RGS7: variants seen among roughly 807,000 people sequenced by gnomAD.
The protein encoded by RGS7 is regulator of G protein signaling 7.
RGS7 carries 27 observed loss-of-function variants against 81.1 expected under a neutral mutation model. The observed-to-expected ratio is 0.33, with a 90% CI of 0.25 to 0.46. The LOEUF is 0.46. RGS7 is among the 20% of genes least tolerant of loss of function. RGS7 has a pLI of 1.00. For synonymous variants in RGS7, 208 were observed against 207.7 expected (o/e 1.00, Z -0.01); for missense variants, 396 against 607.4 (o/e 0.65, Z 3.66).
At chr1:241,252,415 C>A (rs1021304309) in intron 2 of RGS7, among the ~76,000 whole-genome samples, 8 of 152,178 alleles carry the variant, frequency 5.3e-5, no homozygotes, top group African/African-American at 1.7e-4. Context: ...TACCATGAGC[C>A]AGAGCCCATA....
chr1:240,821,045 AAG>A (rs1691689765), intron 10 of RGS7, among the ~76,000 whole-genome samples: 1 of 152,164 alleles, frequency 6.6e-6, no homozygotes, highest in Non-Finnish European at 1.5e-5. Flanking sequence ...AGTACACAGA[AAG>A]AAGCAGAGAG....
Position 241,327,337 on chromosome 1 carries a change from T to C in RGS7, c.78+28362A>G, listed in dbSNP as rs188133724. Among the ~76,000 whole-genome samples the C allele has an allele frequency of 4.2e-3, 634 of 152,210 alleles. 2 individuals carry two copies. The highest frequency in any genetic ancestry group is 6.3e-3 in the Admixed American group (96 of 15,288). ...AATATAGCACCTGAAATAAACTTCA[T>C]AAAACTGTTTATTATGAATGTTTTC... On this transcript the variant is annotated intron_variant, in intron 2 of 18. Transcript: ENST00000440928.
chr1:240,810,775 T>G (rs1689715553), intron 14 of RGS7, among the ~76,000 whole-genome samples: 1 of 152,126 alleles, frequency 6.6e-6, no homozygotes, highest in African/African-American at 2.4e-5. Context: ...CACTCAATTA[T>G]TGACAATGTG....
intron 2 of RGS7, among the ~76,000 whole-genome samples, chr1:241,315,104 CTTCTTTTT>C (rs2080789776): frequency 5.9e-5 from 2 of 34,162 alleles, no homozygotes; most frequent in Non-Finnish European, 1.1e-4. Context: ...TTTTCTTCTT[CTTCTTTTT>C]TTTTTTTTTT....
In RGS7 at chr1:240,911,583, T is replaced by C. The variant is rs145945805; in HGVS notation, c.385+19134A>G. Among the ~76,000 whole-genome samples, 16 of 152,320 alleles carry C rather than the reference T, an allele frequency of 1.1e-4. No individual in the cohort carries two copies. The East Asian group carries it at 3.1e-3, about 29-fold the overall frequency. On this transcript the variant is annotated intron_variant, in intron 6 of 18. Coordinates refer to ENST00000440928, the MANE Select transcript of RGS7 (RefSeq NM_001364886.1). ...CTCTTGTCTTTACTTTAGAATTGGA[T>C]AGCCACTGCATACTGGGTGCCTATA...
At chr1:241,305,879 T>C (rs540270985) in intron 2 of RGS7, 109 of 254,994 alleles carry the variant, frequency 4.3e-4, no homozygotes, top group African/African-American at 2.5e-3. Context: ...CATGGGGTAG[T>C]GCAGGACCAT....
In RGS7 at chr1:241,247,562, G is replaced by A. The variant is rs143490746; in HGVS notation, c.78+108137C>T. Reference sequence around the variant, plus strand: ...AATGCCAGGGATAACTAGCCACGGAGGGTCAAAGGGTAGTAAGGCTTTGTA... The same window carrying A: ...AATGCCAGGGATAACTAGCCACGGAAGGTCAAAGGGTAGTAAGGCTTTGTA... On this transcript the variant is annotated intron_variant, in intron 2 of 18. Coordinates refer to ENST00000440928, the MANE Select transcript of RGS7 (RefSeq NM_001364886.1). 2.3e-3 allele frequency among the ~76,000 whole-genome samples: 354 copies of A among 152,170 alleles called. 3 individuals carry two copies. Among genetic ancestry groups the A allele is most frequent in the African/African-American group, 8.0e-3 (333 of 41,502 alleles).
At chr1:240,973,756 A>AT (rs950858009) in intron 4 of RGS7, among the ~76,000 whole-genome samples, 21 of 150,384 alleles carry the variant, frequency 1.4e-4, no homozygotes, top group Non-Finnish European at 2.8e-4. Context: ...CGCCCGGCTA[A>AT]TTTTTTTTTC....
chr1:241,176,256 G>C lies in RGS7; in HGVS notation c.79-77494C>G, dbSNP rs144851711. ...AGTCCTGGAACATTATCCTAAGATA[G>C]GATCGAGAAGCATAGAAAGCCTTGA... On this transcript the variant is annotated intron_variant, in intron 2 of 18. Coordinates refer to ENST00000440928, the MANE Select transcript of RGS7 (RefSeq NM_001364886.1). Among the ~76,000 whole-genome samples, 203 of 152,302 alleles carry C rather than the reference G, an allele frequency of 1.3e-3. 2 individuals are homozygous for C. The highest frequency in any genetic ancestry group is 4.7e-3 in the African/African-American group (194 of 41,582).
chr1:241,338,945 T>C (rs551945743), intron 2 of RGS7, among the ~76,000 whole-genome samples: 3 of 152,226 alleles, frequency 2.0e-5, no homozygotes, highest in African/African-American at 2.4e-5. Flanking sequence ...ATTTGTTACA[T>C]AGGTGAACGT....
rs111817586 is a variant in RGS7, at chr1:241,346,782, C to T, written c.78+8917G>A. ...AGTCATATACATAATGGACCTGGCA[C>T]ACAGTAAGTAAACACTCAATAATTA... is the stretch of plus-strand genomic sequence containing the variant. On this transcript the variant is annotated intron_variant, in intron 2 of 18. Transcript: ENST00000440928. Among the ~76,000 whole-genome samples the T allele has an allele frequency of 2.9e-3, 436 of 152,258 alleles. 3 individuals carry two copies. The highest frequency in any genetic ancestry group is 1.0e-2 in the African/African-American group (415 of 41,550).
chr1:240,784,280 G>A (rs181927153), intron 18 of RGS7, among the ~76,000 whole-genome samples: 42 of 152,200 alleles, frequency 2.8e-4, no homozygotes, highest in Admixed American at 9.8e-4. Context: ...AAATAAAGGG[G>A]CAGATTTTTA....
rs2068146985 is a variant in RGS7, at chr1:241,144,411, G to A, written c.79-45649C>T. On this transcript the variant is annotated intron_variant, in intron 2 of 18. Coordinates refer to ENST00000440928, the MANE Select transcript of RGS7 (RefSeq NM_001364886.1). This position sits in a 1 kb window ranked among gnomAD's most constrained non-coding sequence, Gnocchi z 4.7. ...GTCTCACAGTTTCACAGTGATGTTG[G>A]GCCAAAAACCTGATCCATTATTACT... 6.6e-6 allele frequency among the ~76,000 whole-genome samples: 1 copy of A among 152,072 alleles called. No homozygotes were observed. Among genetic ancestry groups the A allele is most frequent in the South Asian group, 2.1e-4 (1 of 4,820 alleles).
chr1:241,310,364 AGT>A (rs371574220), intron 2 of RGS7, among the ~76,000 whole-genome samples: 4,128 of 150,778 alleles, frequency 0.027, 103 homozygotes, highest in African/African-American at 0.062. Flanking sequence ...AAGGTGTGAG[AGT>A]GTGTGTGTGT....
downstream of RGS7, among the ~76,000 whole-genome samples, chr1:240,775,117 A>G (rs6689169): frequency 0.17 from 26,204 of 152,168 alleles, 3,034 homozygotes; most frequent in African/African-American, 0.33. Context: ...AAGTTAAGAG[A>G]CACTGAGCTA....
At chr1:241,127,774 A>G (rs990500696) in intron 2 of RGS7, among the ~76,000 whole-genome samples, 1 of 152,234 alleles carries the variant, frequency 6.6e-6, no homozygotes, top group Admixed American at 6.5e-5. Flanking sequence ...AGTGTTGACT[A>G]CAAATATTAG....
chr1:241,089,973 G>A (rs909428631), intron 3 of RGS7, among the ~76,000 whole-genome samples: 6 of 140,854 alleles, frequency 4.3e-5, no homozygotes, highest in South Asian at 4.5e-4. Flanking sequence ...CAGCCTGGGC[G>A]GCAGAGTGAG....
intron 6 of RGS7, among the ~76,000 whole-genome samples, chr1:240,912,478 A>T (rs140341642): frequency 1.6e-4 from 25 of 152,266 alleles, no homozygotes; most frequent in African/African-American, 5.1e-4. Context: ...AGTAATCTTT[A>T]CTTCAAAATC....
intron 3 of RGS7, among the ~76,000 whole-genome samples, chr1:241,060,045 T>C (rs2061667217): frequency 6.6e-6 from 1 of 152,100 alleles, no homozygotes; most frequent in Admixed American, 6.6e-5. Context: ...CACAGGCACC[T>C]CCCAAACCTA....
Sources: gnomAD v4.1 joint callset for allele counts (sites outside exome capture counted in the v4.1 genomes callset) on GRCh38, gnomAD v4.1.1 for gene constraint, Gnocchi (gnomAD v3.1) non-coding constraint, MANE v1.5 for transcripts, NCBI Gene and HGNC (gene_info 2026-07-23, HGNC 2026-07-21) for gene names.